LRP1B: variants seen among roughly 807,000 people sequenced by gnomAD.
The protein encoded by LRP1B is low-density lipoprotein receptor-related protein 1B.
In LRP1B, 217 loss-of-function variants were observed where a neutral mutation model predicts 556.6. The ratio of observed to expected loss-of-function variants is 0.39; its 90% CI spans 0.35 to 0.44. The LOEUF (loss-of-function observed/expected upper bound fraction) is 0.44, where lower values mean the gene tolerates loss of function less well. Ranked by LOEUF, LRP1B falls within the 20% of genes least tolerant of loss-of-function variation. The pLI is 1.00. For synonymous variants in LRP1B, 2,047 were observed against 1,865.8 expected (o/e 1.10, Z -2.50); for missense variants, 5,053 against 5,620.8 (o/e 0.90, Z 3.23).
At chr2:141,999,556 C>T (rs1486540582) in intron 1 of LRP1B, among the ~76,000 whole-genome samples, 2 of 151,956 alleles carry the variant, frequency 1.3e-5, no homozygotes, top group East Asian at 1.9e-4. Flanking sequence ...TTAAAAGTGG[C>T]TTTAAGGATA....
At chr2:141,667,028 A>G (rs886397253) in intron 2 of LRP1B, among the ~76,000 whole-genome samples, 3 of 152,054 alleles carry the variant, frequency 2.0e-5, no homozygotes. Context: ...GACTATGGAT[A>G]AGGTTCAAAC....
At chr2:141,120,800 T>C (rs1701028591) in intron 7 of LRP1B, among the ~76,000 whole-genome samples, 1 of 152,008 alleles carries the variant, frequency 6.6e-6, no homozygotes, top group Non-Finnish European at 1.5e-5. Context: ...ATAGGCCAAG[T>C]TATTGTGAGA....
intron 2 of LRP1B, among the ~76,000 whole-genome samples, chr2:141,490,368 C>CGTGTGTGTGTG (rs1491339740): frequency 2.4e-5 from 1 of 40,842 alleles, no homozygotes; most frequent in Non-Finnish European, 5.8e-5. Context: ...TTAAAATAGC[C>CGTGTGTGTGTG]TCGTGTGTGT....
At chr2:140,729,934 A>AGCT (rs1439620871) in intron 35 of LRP1B, among the ~76,000 whole-genome samples, 1 of 152,194 alleles carries the variant, frequency 6.6e-6, no homozygotes, top group Non-Finnish European at 1.5e-5. Context: ...AACCTATCAG[A>AGCT]GCTGCCCTCA....
chr2:141,331,629 C>T (rs577374271), intron 3 of LRP1B, among the ~76,000 whole-genome samples: 1 of 151,500 alleles, frequency 6.6e-6, no homozygotes, highest in South Asian at 2.1e-4. Context: ...TTAAAAAACA[C>T]TGATCATTCT....
intron 1 of LRP1B, among the ~76,000 whole-genome samples, chr2:141,909,573 G>C (rs1443288049): frequency 7.3e-6 from 1 of 137,330 alleles, no homozygotes; most frequent in Non-Finnish European, 1.5e-5. Context: ...CTCTGGAGGA[G>C]GGACATTTTG....
chr2:140,459,821 C>T (rs555681453), intron 60 of LRP1B, among the ~76,000 whole-genome samples: 36 of 152,060 alleles, frequency 2.4e-4, no homozygotes, highest in African/African-American at 8.0e-4. Context: ...TGCTATTCTC[C>T]TGCTAGTGAG....
chr2:140,881,264 G>A (rs1693464956), intron 25 of LRP1B, among the ~76,000 whole-genome samples: 1 of 151,554 alleles, frequency 6.6e-6, no homozygotes. Flanking sequence ...GTGTGTGTGT[G>A]TGTGTGTGTG....
At chr2:140,766,859 T>TATATATA (rs1689137580) in intron 35 of LRP1B, among the ~76,000 whole-genome samples, 1,456 of 50,054 alleles carry the variant, frequency 0.029, 42 homozygotes, top group African/African-American at 0.062. Context: ...TATATATATA[T>TATATATA]ATATATAATA....
intron 18 of LRP1B, among the ~76,000 whole-genome samples, chr2:140,971,565 C>T (rs1331193924): frequency 5.3e-5 from 8 of 152,164 alleles, no homozygotes; most frequent in Non-Finnish European, 7.3e-5. Context: ...AGGCCAGGTG[C>T]GGTGTCTCAT....
chr2:141,663,356 T>C (rs911806058), intron 2 of LRP1B, among the ~76,000 whole-genome samples: 6 of 149,078 alleles, frequency 4.0e-5, no homozygotes, highest in African/African-American at 1.2e-4. Flanking sequence ...CTAAAGGAGA[T>C]AGAGACACAG....
intron 68 of LRP1B, among the ~76,000 whole-genome samples, chr2:140,375,766 G>A (rs1262009479): frequency 6.6e-6 from 1 of 152,026 alleles, no homozygotes; most frequent in Admixed American, 6.6e-5. Context: ...TACGCTAAAT[G>A]TAGAGCAAAA....
At chr2:141,909,901 TA>T in intron 1 of LRP1B, among the ~76,000 whole-genome samples, 1 of 152,204 alleles carries the variant, frequency 6.6e-6, no homozygotes, top group East Asian at 1.9e-4. Context: ...ATTTGATTGC[TA>T]GTGCAGACTT....
intron 3 of LRP1B, among the ~76,000 whole-genome samples, chr2:141,374,153 C>G (rs1388286538): frequency 6.6e-6 from 1 of 152,034 alleles, no homozygotes; most frequent in Admixed American, 6.5e-5. Context: ...TACAGAAAAA[C>G]ACTGTATTTC....
At chr2:141,859,639 G>A (rs1574436394) in intron 1 of LRP1B, among the ~76,000 whole-genome samples, 1 of 152,244 alleles carries the variant, frequency 6.6e-6, no homozygotes, top group Non-Finnish European at 1.5e-5. Flanking sequence ...ATGGCTAGAA[G>A]AAAGAATTTT....
chr2:140,243,353 A>G lies in LRP1B; in HGVS notation c.13324+3733T>C, dbSNP rs1681031389. Among the ~76,000 whole-genome samples, 4 of 151,212 alleles carry G rather than the reference A, an allele frequency of 2.6e-5. No homozygotes were observed. The South Asian group carries it at 8.3e-4, about 31-fold the overall frequency. ...ATAGAAAGAAAATAATGTCAAAAGGAAGACAGAGTTGCTTCAAAAGAGGTA... is the reference window on the plus strand; with the variant it reads ...ATAGAAAGAAAATAATGTCAAAAGGGAGACAGAGTTGCTTCAAAAGAGGTA... On this transcript the variant is annotated intron_variant, in intron 87 of 90. Transcript: ENST00000389484.
intron 25 of LRP1B, among the ~76,000 whole-genome samples, chr2:140,874,174 G>A (rs1693230387): frequency 6.6e-6 from 1 of 152,014 alleles, no homozygotes; most frequent in African/African-American, 2.4e-5. Context: ...AAACTATAAT[G>A]GTCTTTCTAT....
intron 84 of LRP1B, among the ~76,000 whole-genome samples, chr2:140,275,987 TTA>T (rs1348036495): frequency 1.3e-5 from 2 of 152,082 alleles, no homozygotes; most frequent in Admixed American, 6.6e-5. Flanking sequence ...ATATTATAAT[TTA>T]TCACACTTAA....
At chr2:140,948,330 G>A (rs996090721) in intron 20 of LRP1B, among the ~76,000 whole-genome samples, 6 of 151,960 alleles carry the variant, frequency 3.9e-5, no homozygotes, top group Non-Finnish European at 7.4e-5. Context: ...ATGAAATGTC[G>A]ACCACTCTTA....
Sources: gnomAD v4.1 joint callset for allele counts (sites outside exome capture counted in the v4.1 genomes callset) on GRCh38, gnomAD v4.1.1 for gene constraint, MANE v1.5 for transcripts, NCBI Gene and HGNC (gene_info 2026-07-23, HGNC 2026-07-21) for gene names.